Variants in KLF8 observed in about 807,000 individuals in gnomAD.
KLF8 encodes Krueppel-like factor 8.
Under a neutral mutation model 18.2 loss-of-function variants are expected in KLF8, and 10 were observed. That is an observed-to-expected ratio of 0.55 (90% CI 0.34 to 0.93). KLF8 has a LOEUF of 0.93. Ranked by LOEUF, KLF8 falls within the 40% of genes least tolerant of loss-of-function variation. The pLI is 0.02. For missense variants in KLF8, 264 were observed against 277.9 expected (o/e 0.95, Z 0.36); for synonymous variants, 109 against 97.3 (o/e 1.12, Z -0.71).
the KLF8 span, among the ~76,000 whole-genome samples, chrX:55,957,001 GT>G: frequency 9.1e-6 from 1 of 109,952 alleles, no homozygotes; most frequent in Non-Finnish European, 1.9e-5. Flanking sequence ...TTCCCCCAGT[GT>G]TTTTTTTAGG....
intron 3 of KLF8, chrX:56,267,063 G>A: frequency 1.3e-6 from 1 of 754,369 alleles, no homozygotes; most frequent in South Asian, 6.7e-5. Context: ...TCGTGTGACA[G>A]TTTATGCTGA....
At chrX:56,185,132 T>C in the KLF8 span, among the ~76,000 whole-genome samples, 1 of 111,464 alleles carries the variant, frequency 9.0e-6, no homozygotes, top group Non-Finnish European at 1.9e-5. Context: ...TTGAAAAAAA[T>C]TTAGACGAAT....
At chrX:56,201,726 T>C in the KLF8 span, among the ~76,000 whole-genome samples, 4 of 111,524 alleles carry the variant, frequency 3.6e-5, no homozygotes, top group African/African-American at 1.3e-4. Flanking sequence ...CATTTAGTTG[T>C]ATACATTAAA....
chrX:56,098,456 A>G, the KLF8 span, among the ~76,000 whole-genome samples: 2 of 112,006 alleles, frequency 1.8e-5, no homozygotes, highest in East Asian at 5.6e-4. Flanking sequence ...GTGATACACC[A>G]TGTTTACAAA....
the KLF8 span, among the ~76,000 whole-genome samples, chrX:56,184,653 G>A: frequency 9.4e-4 from 105 of 111,577 alleles, no homozygotes; most frequent in African/African-American, 3.1e-3. Flanking sequence ...ACCTCACACG[G>A]CCGGGTACTC....
At chrX:56,055,504 T>A in the KLF8 span, among the ~76,000 whole-genome samples, 3 of 111,723 alleles carry the variant, frequency 2.7e-5, no homozygotes, top group Non-Finnish European at 5.6e-5. Context: ...CATTTTTACT[T>A]TTATTTTGTG....
At chrX:56,255,669 C>A (rs746867276) in intron 2 of KLF8, among the ~76,000 whole-genome samples, 1 of 112,276 alleles carries the variant, frequency 8.9e-6, no homozygotes, top group Non-Finnish European at 1.9e-5. Context: ...TTTAATCCTT[C>A]ATTCTGTTGA....
chrX:56,081,970 T>A, the KLF8 span, among the ~76,000 whole-genome samples: 1 of 111,779 alleles, frequency 8.9e-6, no homozygotes, highest in African/African-American at 3.2e-5. Flanking sequence ...CCTCATAGGA[T>A]AAATCAGGAT....
the KLF8 span, among the ~76,000 whole-genome samples, chrX:56,074,025 G>A: frequency 8.9e-6 from 1 of 112,019 alleles, no homozygotes; most frequent in Admixed American, 9.5e-5. Flanking sequence ...TGGAATTACA[G>A]GAGTGAGCCA....
the KLF8 span, among the ~76,000 whole-genome samples, chrX:56,047,313 T>G: frequency 8.2e-5 from 9 of 109,741 alleles, no homozygotes; most frequent in Non-Finnish European, 1.5e-4. Flanking sequence ...ATGTGCACAA[T>G]GTGCAGGTTT....
chrX:56,108,946 A>T, the KLF8 span, among the ~76,000 whole-genome samples: 1 of 111,836 alleles, frequency 8.9e-6, no homozygotes, highest in Non-Finnish European at 1.9e-5. Flanking sequence ...TCTTAAACCA[A>T]TTGGCTGTTT....
At chrX:56,106,050 C>T in the KLF8 span, among the ~76,000 whole-genome samples, 1 of 111,740 alleles carries the variant, frequency 8.9e-6, no homozygotes, top group East Asian at 2.8e-4. Context: ...TTGGCCCCCA[C>T]TCTCTTCTGG....
chrX:56,182,396 G>C, the KLF8 span, among the ~76,000 whole-genome samples: 2 of 111,800 alleles, frequency 1.8e-5, no homozygotes, highest in African/African-American at 6.5e-5. Context: ...CTTCTTAGTC[G>C]TGGGTTTGAA....
chrX:56,143,581 C>T, the KLF8 span, among the ~76,000 whole-genome samples: 1 of 111,601 alleles, frequency 9.0e-6, no homozygotes, highest in African/African-American at 3.3e-5. Context: ...AATAGACACC[C>T]TTATTTCATC....
chrX:56,214,431 T>C, the KLF8 span, among the ~76,000 whole-genome samples: 2 of 112,224 alleles, frequency 1.8e-5, no homozygotes, highest in Non-Finnish European at 3.8e-5. Context: ...CACCCCTGCC[T>C]CAAATTCATA....
At chrX:56,140,754 A>C in the KLF8 span, among the ~76,000 whole-genome samples, 2 of 107,323 alleles carry the variant, frequency 1.9e-5, no homozygotes, top group East Asian at 5.9e-4. Flanking sequence ...CTCCACATAA[A>C]ATAAAAGGTG....
At chrX:56,169,592 G>T in the KLF8 span, among the ~76,000 whole-genome samples, 1 of 111,583 alleles carries the variant, frequency 9.0e-6, no homozygotes, top group Non-Finnish European at 1.9e-5. Flanking sequence ...CATGGAGTTA[G>T]GCTCCTAAGG....
chrX:56,164,012 A>G, the KLF8 span, among the ~76,000 whole-genome samples: 1 of 111,816 alleles, frequency 8.9e-6, no homozygotes, highest in Non-Finnish European at 1.9e-5. Context: ...CTTGTAGTAT[A>G]GTTTATGCAG....
the KLF8 span, among the ~76,000 whole-genome samples, chrX:56,157,928 C>T: frequency 1.8e-5 from 2 of 111,812 alleles, no homozygotes. Flanking sequence ...TCTTTTGTTG[C>T]CATTGCTTTT....
Sources: gnomAD v4.1 joint callset for allele counts (sites outside exome capture counted in the v4.1 genomes callset) on GRCh38, gnomAD v4.1.1 for gene constraint, MANE v1.5 for transcripts, NCBI Gene and HGNC (gene_info 2026-07-23, HGNC 2026-07-21) for gene names.